Variants in CUX1 observed in about 807,000 individuals in gnomAD.
The protein encoded by CUX1 is protein CASP.
In CUX1, 31 loss-of-function variants were observed where a neutral mutation model predicts 158.8. The observed-to-expected ratio is 0.20, with a 90% CI of 0.15 to 0.26. The LOEUF (loss-of-function observed/expected upper bound fraction) is 0.26, where lower values mean the gene tolerates loss of function less well. Ranked by LOEUF, CUX1 falls within the 10% of genes least tolerant of loss-of-function variation. The probability of loss-of-function intolerance (pLI) is 1.00; values close to 1 mark genes in which losing one functional copy is unlikely to be tolerated. For missense variants in CUX1, 1,589 were observed against 2,014.6 expected, an observed-to-expected ratio of 0.79 and a Z score of 4.04; for synonymous variants, 879 against 862.1, an observed-to-expected ratio of 1.02 and a Z score of -0.34.
chr7:102,137,965 C>T (rs1185508899), intron 8 of CUX1, among the ~76,000 whole-genome samples: 1 of 152,048 alleles, frequency 6.6e-6, no homozygotes, highest in African/African-American at 2.4e-5. Flanking sequence ...GCAGAAGGAT[C>T]ACTTGAACCC....
chr7:102,028,655 G>A (rs75049143), intron 3 of CUX1, among the ~76,000 whole-genome samples: 3,220 of 152,248 alleles, frequency 0.021, 130 homozygotes, highest in African/African-American at 0.073. Flanking sequence ...GGTTTCTAAC[G>A]GATCCTTCCA....
At position 102,255,945 on chromosome 7, in the gene CUX1, A is replaced by G. The variant is rs1269708108; in HGVS notation, c.*6903A>G. On this transcript the variant is annotated 3_prime_UTR_variant, in exon 24 of 24. Coordinates refer to ENST00000292535, the MANE Select transcript of CUX1 (RefSeq NM_181552.4). ...TTTCTTCATTTTAAAAAAATAACGT[A>G]TTGCACACCAAATGAACTCAAAGTA... The G allele has an allele frequency of 2.0e-6, 2 of 985,326 alleles. No homozygotes were observed. The highest frequency in any genetic ancestry group is 3.5e-5 in the African/African-American group (2 of 57,250). 61.0% of individuals were successfully genotyped at this position (985,326 alleles called of 1,614,324 possible). A position where few individuals can be genotyped will look rare whatever the true frequency, so the allele number is the denominator to read the frequency against.
Position 102,233,714 on chromosome 7 carries a change from G to C in CUX1, c.3434-338G>C, listed in dbSNP as rs540438927. 9.8e-5 allele frequency among the ~76,000 whole-genome samples: 15 copies of C among 152,286 alleles called. No homozygotes were observed. The South Asian group carries it at 2.9e-3, about 29-fold the overall frequency. On this transcript the variant is annotated intron_variant, in intron 21 of 23. Coordinates refer to ENST00000292535, the MANE Select transcript of CUX1 (RefSeq NM_181552.4). ...AGACAGGAGAATTGCTTGAACCTGG[G>C]AGGCGGAGGTTGCAGTGAGCCAAGA...
At chr7:102,259,816 G>A (rs1225578392), downstream of CUX1, among the ~76,000 whole-genome samples, 1 of 151,822 alleles carries the variant, frequency 6.6e-6, no homozygotes, top group Non-Finnish European at 1.5e-5. Context: ...GGGCACAGTG[G>A]CTCATTCCTG....
intron 11 of CUX1, among the ~76,000 whole-genome samples, chr7:102,186,342 A>G (rs927344501): frequency 6.6e-6 from 1 of 152,110 alleles, no homozygotes; most frequent in African/African-American, 2.4e-5. Context: ...TTGTCTGCCC[A>G]AGACAGAAAA....
chr7:102,195,487 C>T lies in CUX1; in HGVS notation c.1126-20C>T. On this transcript the variant is annotated intron_variant, in intron 13 of 23. Transcript: ENST00000292535. ...TGAGTGGCCGGCCCCGCAGTGAGAC[C>T]CCCGCTCTGCCCCTTCTAGGATGCG... 1.3e-6 allele frequency: 2 copies of T among 1,599,914 alleles called. No individual in the cohort carries two copies. The highest frequency in any genetic ancestry group is 1.7e-6 in the Non-Finnish European group (2 of 1,174,460).
chr7:101,924,925 T>C (rs189972756), intron 2 of CUX1, among the ~76,000 whole-genome samples: 15 of 152,320 alleles, frequency 9.8e-5, no homozygotes, highest in African/African-American at 2.9e-4. Flanking sequence ...CGGCTACTCC[T>C]TGATATGTCA....
intron 8 of CUX1, among the ~76,000 whole-genome samples, chr7:102,122,700 G>T (rs1421674270): frequency 1.3e-5 from 2 of 152,190 alleles, no homozygotes; most frequent in Admixed American, 1.3e-4. Flanking sequence ...GTGGCCCCCA[G>T]ACATGGCTAG....
chr7:101,841,398 GGTTT>G (rs1795186180), intron 1 of CUX1, among the ~76,000 whole-genome samples: 1 of 151,248 alleles, frequency 6.6e-6, no homozygotes, highest in Admixed American at 6.6e-5. Context: ...TGTACATAGA[GGTTT>G]GTTTATCTTA....
chr7:102,034,300 T>G (rs1283702849), intron 3 of CUX1, among the ~76,000 whole-genome samples: 1 of 152,116 alleles, frequency 6.6e-6, no homozygotes, highest in Non-Finnish European at 1.5e-5. Context: ...TAAATCCATG[T>G]CATTAGCAGA....
chr7:102,176,537 ATCTT>A (rs1792361856), intron 10 of CUX1, among the ~76,000 whole-genome samples: 1 of 143,094 alleles, frequency 7.0e-6, no homozygotes, highest in African/African-American at 2.6e-5. Flanking sequence ...ATATTTCAGA[ATCTT>A]TCAGGAGCCA....
intron 1 of CUX1, among the ~76,000 whole-genome samples, chr7:101,863,548 G>A (rs528461902): frequency 5.3e-5 from 8 of 152,186 alleles, no homozygotes; most frequent in African/African-American, 1.9e-4. Context: ...ACGAGGTTTC[G>A]CCATGTTGGC....
chr7:101,835,620 G>A (rs931167248), intron 1 of CUX1, among the ~76,000 whole-genome samples: 1 of 152,076 alleles, frequency 6.6e-6, no homozygotes, highest in Non-Finnish European at 1.5e-5. Flanking sequence ...TACATGAGAT[G>A]TTTTGATACA....
chr7:102,157,499 G>A (rs1418160776), intron 8 of CUX1, among the ~76,000 whole-genome samples: 1 of 152,194 alleles, frequency 6.6e-6, no homozygotes, highest in East Asian at 1.9e-4. Flanking sequence ...GACTCTCCAG[G>A]CCGGGCGCGG....
At chr7:102,009,311 G>A (rs911085828) in intron 2 of CUX1, among the ~76,000 whole-genome samples, 22 of 152,224 alleles carry the variant, frequency 1.4e-4, no homozygotes, top group African/African-American at 5.3e-4. Flanking sequence ...AAATGATGGT[G>A]TTAGGATCCC....
intron 10 of CUX1, among the ~76,000 whole-genome samples, chr7:102,171,466 A>G (rs539134774): frequency 4.4e-5 from 6 of 137,474 alleles, no homozygotes; most frequent in African/African-American, 1.4e-4. Flanking sequence ...TTTTTTTTCT[A>G]AGACAAGGTC....
chr7:102,261,700 C>A (rs1022390069), downstream of CUX1, among the ~76,000 whole-genome samples: 1 of 152,070 alleles, frequency 6.6e-6, no homozygotes, highest in Non-Finnish European at 1.5e-5. Context: ...AGGATCCCAG[C>A]AGCGTCTCTT....
At chr7:102,058,798 C>A (rs759459519) in intron 3 of CUX1, among the ~76,000 whole-genome samples, 3 of 152,210 alleles carry the variant, frequency 2.0e-5, no homozygotes, top group Non-Finnish European at 4.4e-5. Flanking sequence ...CCCACTCCCC[C>A]ACCGGGATTT....
intron 2 of CUX1, among the ~76,000 whole-genome samples, chr7:101,982,727 T>G (rs1813592903): frequency 6.6e-6 from 1 of 152,170 alleles, no homozygotes; most frequent in Non-Finnish European, 1.5e-5. Flanking sequence ...AGGGACTTTT[T>G]TTTTTTTATT....
Sources: gnomAD v4.1 joint callset for allele counts (sites outside exome capture counted in the v4.1 genomes callset) on GRCh38, gnomAD v4.1.1 for gene constraint, MANE v1.5 for transcripts, NCBI Gene and HGNC (gene_info 2026-07-23, HGNC 2026-07-21) for gene names.